The following HCN4 variants were observed in gnomAD, a reference collection of about 807,000 sequenced individuals.
HCN4 encodes potassium/sodium hyperpolarization-activated cyclic nucleotide-gated channel 4.
In HCN4, 29 loss-of-function variants were observed where a neutral mutation model predicts 76.9. That is an observed-to-expected ratio of 0.38 (90% CI 0.28 to 0.51). The LOEUF is 0.51. HCN4 is among the 20% of genes least tolerant of loss of function. The probability of loss-of-function intolerance (pLI) is 0.90; values close to 1 mark genes in which losing one functional copy is unlikely to be tolerated. For missense variants in HCN4, 1,416 were observed against 1,715.2 expected (o/e 0.83, Z 3.08); for synonymous variants, 772 against 762.5 (o/e 1.01, Z -0.21).
intron 1 of HCN4, among the ~76,000 whole-genome samples, chr15:73,345,358 A>G (rs1035163763): frequency 6.6e-5 from 10 of 152,126 alleles, no homozygotes; most frequent in Non-Finnish European, 8.8e-5. Context: ...TCAGGGCCTC[A>G]AGACAGGGCC....
chr15:73,342,388 T>C (rs2043010246), intron 2 of HCN4: 1 of 152,264 alleles, frequency 6.6e-6, no homozygotes, highest in Non-Finnish European at 1.5e-5. Flanking sequence ...GATTTCACTC[T>C]CTACAGCCAG....
At position 73,367,967 on chromosome 15, in the gene HCN4, A is replaced by G; in HGVS notation, c.304T>C (p.Ser102Pro). 7.4e-7 allele frequency: 1 copy of G among 1,346,530 alleles called. No homozygotes were observed. The highest frequency in any genetic ancestry group is 9.5e-7 in the Non-Finnish European group (1 of 1,055,256). The allele number at this position is 1,346,530 out of a possible 1,614,324, so 83.4% of individuals were successfully genotyped here. Reference sequence around the variant, plus strand: ...CTGCCGCCGCCCCGGCTGCCCAGCGAGGCCAGGCTCCCGCGGAAGCGCCTG... The same window carrying G: ...CTGCCGCCGCCCCGGCTGCCCAGCGGGGCCAGGCTCCCGCGGAAGCGCCTG... ...DCRRFRGSLA[S>P]LGSRGGGSGG... Residue 102 changes from serine (S) to proline (P), a missense_variant, in exon 1 of 8, where the codon TCG (serine) becomes CCG (proline). This residue lies in a region of HCN4 where 355 missense variants were observed against 347.8 expected (regional missense o/e 1.02). Transcript: ENST00000261917. This position sits in a 1 kb window ranked among gnomAD's most constrained non-coding sequence, Gnocchi z 7.5.
In HCN4 at chr15:73,323,052, G is replaced by A; in HGVS notation, c.3041C>T (p.Ala1014Val). The change falls in exon 8 of 8, where the codon GCT (alanine) becomes GTT (valine). Residue 1014 changes from alanine (A) to valine (V), a missense_variant. Physicochemically the swap from Ala to Val is moderately conservative, Grantham distance 64 (BLOSUM62 0). Around this residue, in one of 6 missense-constraint regions of HCN4, gnomAD observed 633 missense variants for 579.8 expected, o/e 1.09. Coordinates refer to ENST00000261917, the MANE Select transcript of HCN4 (RefSeq NM_005477.3). ...PSLVAGASGG[A>V]SPVGFTPRGG... ...TCGGGGAGTAAAGCCTACAGGGGAA[G>A]CCCCCCCAGAGGCCCCTGCCACAAG... 1 of 1,526,158 alleles carries A rather than the reference G, an allele frequency of 6.6e-7. No homozygotes were observed. Among genetic ancestry groups the A allele is most frequent in the Non-Finnish European group, 8.7e-7 (1 of 1,142,940 alleles). The allele number at this position is 1,526,158 out of a possible 1,614,324, so 94.5% of individuals were successfully genotyped here.
At chr15:73,337,492 G>A (rs879167625) in intron 2 of HCN4, among the ~76,000 whole-genome samples, 4 of 152,206 alleles carry the variant, frequency 2.6e-5, no homozygotes, top group Non-Finnish European at 2.9e-5. Flanking sequence ...GACAGATCAC[G>A]CTGGGCCTTA....
rs202138767 is a variant in HCN4, at chr15:73,323,548, C to T, written c.2545G>A (p.Val849Met). 3 of 1,600,958 alleles carry T rather than the reference C, an allele frequency of 1.9e-6. No homozygotes were observed. Among genetic ancestry groups the T allele is most frequent in the Non-Finnish European group, 2.5e-6 (3 of 1,179,852 alleles). ...SASPASSPSQ[V>M]DTPSSSSFHI... Reference sequence around the variant, plus strand: ...AAGGAGGATGAAGACGGTGTGTCCACCTGGGACGGGCTGCTGGCGGGCGAG... The same window carrying T: ...AAGGAGGATGAAGACGGTGTGTCCATCTGGGACGGGCTGCTGGCGGGCGAG... The change falls in exon 8 of 8, where the codon GTG (valine) becomes ATG (methionine). Residue 849 changes from valine to methionine, a missense_variant. By Grantham distance (21) the Val-to-Met change is conservative. Coordinates refer to ENST00000261917, the MANE Select transcript of HCN4 (RefSeq NM_005477.3).
chr15:73,339,389 C>G (rs1257322562), intron 2 of HCN4, among the ~76,000 whole-genome samples: 2 of 152,184 alleles, frequency 1.3e-5, no homozygotes, highest in African/African-American at 4.8e-5. Context: ...CTGGGGGAGG[C>G]AGTAGAAGCC....
At position 73,322,246 on chromosome 15, in the gene HCN4, T is replaced by TCC; in HGVS notation, c.*233_*234dup. ...CATTTGGGACCTGCCTGCTCCCTCCTCCCTCCCCCTCCCTCCCTCTAGTGC... is the reference window on the plus strand; with the variant it reads ...CATTTGGGACCTGCCTGCTCCCTCCTCCCCCTCCCCCTCCCTCCCTCTAGTGC... On this transcript the variant is annotated 3_prime_UTR_variant, in exon 8 of 8. Coordinates refer to ENST00000261917, the MANE Select transcript of HCN4 (RefSeq NM_005477.3). The TCC allele has an allele frequency of 3.3e-6, 1 of 306,036 alleles. No individual in the cohort carries two copies. The highest frequency in any genetic ancestry group is 2.7e-5 in the South Asian group (1 of 36,584). 19.0% of individuals were successfully genotyped at this position (306,036 alleles called of 1,614,324 possible). A position where few individuals can be genotyped will look rare whatever the true frequency, so the allele number is the denominator to read the frequency against.
chr15:73,330,870 G>A (rs987238430), intron 3 of HCN4, among the ~76,000 whole-genome samples: 2 of 152,212 alleles, frequency 1.3e-5, no homozygotes, highest in Non-Finnish European at 2.9e-5. Flanking sequence ...CCAGCCTTGG[G>A]GAACAGGGGT....
chr15:73,366,747 G>T (rs549996382), intron 1 of HCN4, among the ~76,000 whole-genome samples: 30 of 152,246 alleles, frequency 2.0e-4, no homozygotes, highest in Admixed American at 4.6e-4. Flanking sequence ...TGGAGCTTGG[G>T]TCTCTGGGGT....
At chr15:73,338,265 A>G (rs550046775) in intron 2 of HCN4, among the ~76,000 whole-genome samples, 7 of 152,196 alleles carry the variant, frequency 4.6e-5, no homozygotes, top group Non-Finnish European at 8.8e-5. Context: ...TTTATATTTC[A>G]TTAGAACTCC....
chr15:73,329,419 A>C (rs1304146555), intron 4 of HCN4, among the ~76,000 whole-genome samples, 154 bp downstream of exon 4: 1 of 152,176 alleles, frequency 6.6e-6, no homozygotes, highest in Non-Finnish European at 1.5e-5. Context: ...CTCATCTCAG[A>C]GGTGTCTCCC....
intron 1 of HCN4, among the ~76,000 whole-genome samples, chr15:73,364,043 G>A (rs1296992985): frequency 6.6e-6 from 1 of 152,112 alleles, no homozygotes; most frequent in East Asian, 1.9e-4. Context: ...CAGTTTCCAA[G>A]ATTTTGGAGC....
In HCN4 at chr15:73,324,206, C is replaced by T. The variant is rs145134839; in HGVS notation, c.2026G>A (p.Asp676Asn). The T allele has an allele frequency of 9.3e-6, 15 of 1,613,936 alleles. No homozygotes were observed. The highest frequency in any genetic ancestry group is 1.6e-4 in the Middle Eastern group (1 of 6,064). Residue 676 changes from aspartate (D) to asparagine (N), a missense_variant, in exon 7 of 8, where the codon GAC (aspartate) becomes AAC (asparagine). Asp to Asn is a conservative substitution (Grantham distance 23). This residue lies in a region of HCN4 where 241 missense variants were observed against 379.4 expected (regional missense o/e 0.64). Coordinates refer to ENST00000261917, the MANE Select transcript of HCN4 (RefSeq NM_005477.3). ...AGCGAGTAGAGGCGGCAGTAGGTGT[C>T]GGCCCTCACGCTGGCTGTGCGCCGG... ...RGRRTASVRA[D>N]TYCRLYSLSV...
At position 73,329,582 on chromosome 15, in the gene HCN4, G is replaced by A. The variant is rs760192546; in HGVS notation, c.1581C>T (p.Tyr527=). Residue 527 remains tyrosine (Y), a synonymous_variant, in exon 4 of 8, where the codon TAC becomes TAT. Transcript: ENST00000261917. ...CCCTGGGTAGACCTACCTTTTCCTG[G>A]TACTGGCGCCGGGAGGAGTCCAGGG... The part of the protein sequence containing the change: ...IQSLDSSRRQ[Y]QEKYKQVEQY... 2 of 1,614,034 alleles carry A rather than the reference G, an allele frequency of 1.2e-6. No homozygotes were observed. Among genetic ancestry groups the A allele is most frequent in the South Asian group, 1.1e-5 (1 of 91,088 alleles).
intron 2 of HCN4, among the ~76,000 whole-genome samples, chr15:73,334,809 T>C (rs2042953146): frequency 6.6e-6 from 1 of 152,126 alleles, no homozygotes; most frequent in South Asian, 2.1e-4. Flanking sequence ...GGGGCCATTA[T>C]TATTAAGCTC....
rs1439335943 is a variant in HCN4, at chr15:73,325,451, C to T, written c.1591-7G>A. The T allele has an allele frequency of 9.3e-6, 15 of 1,614,008 alleles. No individual in the cohort carries two copies. Among genetic ancestry groups the T allele is most frequent in the Admixed American group, 1.7e-5 (1 of 60,010 alleles). On this transcript the variant is annotated splice_polypyrimidine_tract_variant and splice_region_variant and intron_variant, in intron 4 of 7. Coordinates refer to ENST00000261917, the MANE Select transcript of HCN4 (RefSeq NM_005477.3). This position sits in a 1 kb window ranked among gnomAD's most constrained non-coding sequence, Gnocchi z 7.4. ...ACTGCTCCACCTGCTTGTACTGAGG[C>T]CGGGAGAAGGGGGCGTCAGCTCCAC...
chr15:73,332,380 G>A, intron 2 of HCN4, 88 bp from the exon 3 acceptor site: 1 of 1,362,022 alleles, frequency 7.3e-7, no homozygotes, highest in Non-Finnish European at 1.0e-6. Flanking sequence ...GCTGCTGGTG[G>A]GCACTGCTCT....
At chr15:73,364,908 G>A (rs976862112) in intron 1 of HCN4, among the ~76,000 whole-genome samples, 3 of 152,198 alleles carry the variant, frequency 2.0e-5, no homozygotes, top group African/African-American at 7.2e-5. Flanking sequence ...ACTCCAAACC[G>A]CAAACTCAAT....
At chr15:73,346,642 C>T (rs77798358) in intron 1 of HCN4, among the ~76,000 whole-genome samples, 1,675 of 152,208 alleles carry the variant, frequency 0.011, 26 homozygotes, top group African/African-American at 0.037. Context: ...CTGGTCAGAG[C>T]GCAAGGCTTG....
Sources: gnomAD v4.1 joint callset for allele counts (sites outside exome capture counted in the v4.1 genomes callset) on GRCh38, gnomAD v4.1.1 for gene constraint, gnomAD v4.1.1 regional missense constraint, Gnocchi (gnomAD v3.1) non-coding constraint, MANE v1.5 for transcripts, NCBI Gene and HGNC (gene_info 2026-07-23, HGNC 2026-07-21) for gene names.